Variants in RGS6 observed in about 807,000 individuals in gnomAD.
RGS6 encodes the protein regulator of G protein signaling 6, also known as regulator of G-protein signaling 6.
A neutral mutation model predicts 78.5 loss-of-function variants in RGS6; 30 were observed. That is an observed-to-expected ratio of 0.38 (90% CI 0.29 to 0.52). The LOEUF is 0.52. Ranked by LOEUF, RGS6 falls within the 20% of genes least tolerant of loss-of-function variation. The pLI, the probability that RGS6 is intolerant of heterozygous loss-of-function variation, is 0.85. For missense variants in RGS6, 495 were observed against 609.7 expected (o/e 0.81, Z 1.98); for synonymous variants, 206 against 206.0 (o/e 1.00, Z 0.00).
chr14:72,185,024 A>G (rs758088573), intron 2 of RGS6, among the ~76,000 whole-genome samples: 252 of 152,324 alleles, frequency 1.7e-3, no homozygotes, highest in Non-Finnish European at 1.9e-3. Flanking sequence ...AGTGTGCCCG[A>G]AGGCCCAAGA....
At chr14:72,376,282 A>G (rs1346615272) in intron 3 of RGS6, among the ~76,000 whole-genome samples, 2 of 152,208 alleles carry the variant, frequency 1.3e-5, no homozygotes, top group Non-Finnish European at 2.9e-5. Flanking sequence ...GAAGACAGGT[A>G]TTTTGAAATA....
chr14:71,995,289 C>G (rs977222783), intron 2 of RGS6, among the ~76,000 whole-genome samples: 6 of 152,192 alleles, frequency 3.9e-5, no homozygotes, highest in African/African-American at 1.4e-4. Flanking sequence ...CAACACCAGG[C>G]CTTTGTTACT....
At chr14:71,914,857 C>A in the RGS6 span, among the ~76,000 whole-genome samples, 1 of 151,724 alleles carries the variant, frequency 6.6e-6, no homozygotes, top group African/African-American at 2.4e-5. Context: ...AAACAGGCAC[C>A]ACTCCCTTAA....
chr14:72,053,420 C>T (rs1324061479), intron 2 of RGS6, among the ~76,000 whole-genome samples: 1 of 151,958 alleles, frequency 6.6e-6, no homozygotes, highest in African/African-American at 2.4e-5. Flanking sequence ...ACCCAGCCAG[C>T]AGCATGTTTT....
intron 3 of RGS6, among the ~76,000 whole-genome samples, chr14:72,384,402 G>T (rs1566688045): frequency 6.6e-6 from 1 of 152,298 alleles, no homozygotes; most frequent in Admixed American, 6.5e-5. Flanking sequence ...CTTTTAAAAT[G>T]AAATGTATGT....
At chr14:72,277,022 A>ATGGTGCC (rs1299341033) in intron 2 of RGS6, among the ~76,000 whole-genome samples, 1 of 152,190 alleles carries the variant, frequency 6.6e-6, no homozygotes, top group East Asian at 1.9e-4. Context: ...AGTGCCTAGA[A>ATGGTGCC]TGGTGCCTGG....
chr14:72,026,862 A>G (rs1178071175), intron 2 of RGS6, among the ~76,000 whole-genome samples: 1 of 152,214 alleles, frequency 6.6e-6, no homozygotes, highest in East Asian at 1.9e-4. Flanking sequence ...TACAGAGACA[A>G]TAGCACAGGT....
the RGS6 span, among the ~76,000 whole-genome samples, chr14:71,912,415 G>A: frequency 6.6e-6 from 1 of 152,150 alleles, no homozygotes; most frequent in African/African-American, 2.4e-5. Flanking sequence ...TGACCATCGT[G>A]TTCACAATTT....
intron 3 of RGS6, among the ~76,000 whole-genome samples, chr14:72,440,894 A>G (rs1020269216): frequency 6.6e-6 from 1 of 152,078 alleles, no homozygotes; most frequent in Non-Finnish European, 1.5e-5. Flanking sequence ...TCTTGTGTCT[A>G]TGCACATGCG....
chr14:72,071,072 ATTT>A (rs374755827), intron 2 of RGS6, among the ~76,000 whole-genome samples: 1 of 151,370 alleles, frequency 6.6e-6, no homozygotes, highest in Non-Finnish European at 1.5e-5. Context: ...GTCGCCTTTG[ATTT>A]TTTTTTAGTT....
At chr14:72,575,674 A>G in the RGS6 span, among the ~76,000 whole-genome samples, 3 of 152,064 alleles carry the variant, frequency 2.0e-5, no homozygotes, top group Non-Finnish European at 2.9e-5. Context: ...GGTTTTGAAT[A>G]CTCCCACCAC....
chr14:72,465,185 T>C (rs2095869829), intron 6 of RGS6, among the ~76,000 whole-genome samples: 1 of 152,170 alleles, frequency 6.6e-6, no homozygotes, highest in South Asian at 2.1e-4. Context: ...AGATAAGCAG[T>C]GAGCAGATCA....
intron 3 of RGS6, among the ~76,000 whole-genome samples, chr14:72,364,103 T>C (rs2082038394): frequency 6.7e-6 from 1 of 149,106 alleles, no homozygotes; most frequent in Non-Finnish European, 1.5e-5. Context: ...CTAGTTAGAA[T>C]ACATTTTGCC....
At chr14:72,464,473 A>C (rs536525567) in intron 6 of RGS6, among the ~76,000 whole-genome samples, 1 of 152,336 alleles carries the variant, frequency 6.6e-6, no homozygotes, top group South Asian at 2.1e-4. Flanking sequence ...TCCAGGCTCC[A>C]AAATGTCATA....
chr14:72,367,662 C>T (rs1488307865), intron 3 of RGS6, among the ~76,000 whole-genome samples: 1 of 152,146 alleles, frequency 6.6e-6, no homozygotes, highest in Non-Finnish European at 1.5e-5. Flanking sequence ...TTTATGAATA[C>T]ATTTCTGTCT....
intron 15 of RGS6, among the ~76,000 whole-genome samples, chr14:72,524,883 C>T (rs189240648): frequency 6.6e-6 from 1 of 152,264 alleles, no homozygotes; most frequent in African/African-American, 2.4e-5. Flanking sequence ...CCAGTCCAGC[C>T]CCATTGGCTT....
chr14:72,014,247 A>G (rs968533936), intron 2 of RGS6, among the ~76,000 whole-genome samples: 1 of 152,208 alleles, frequency 6.6e-6, no homozygotes, highest in African/African-American at 2.4e-5. Flanking sequence ...GAATGACTTT[A>G]GTTGCTGCTG....
chr14:72,039,813 A>T (rs1296277484), intron 2 of RGS6, among the ~76,000 whole-genome samples: 355 of 68,826 alleles, frequency 5.2e-3, no homozygotes, highest in African/African-American at 8.2e-3. Flanking sequence ...TGTTTCATTG[A>T]TTTTTTTTTT....
chr14:72,342,583 A>G (rs891447231), intron 2 of RGS6, among the ~76,000 whole-genome samples: 1 of 136,980 alleles, frequency 7.3e-6, no homozygotes, highest in African/African-American at 2.7e-5. Context: ...AAAAAAAACT[A>G]TCCAGGCGTG....
Sources: gnomAD v4.1 joint callset for allele counts (sites outside exome capture counted in the v4.1 genomes callset) on GRCh38, gnomAD v4.1.1 for gene constraint, MANE v1.5 for transcripts, NCBI Gene and HGNC (gene_info 2026-07-23, HGNC 2026-07-21) for gene names.